CDH13: variants seen among roughly 807,000 people sequenced by gnomAD.
CDH13 encodes cadherin 13.
Under a neutral mutation model 63.8 loss-of-function variants are expected in CDH13, and 24 were observed. That is an observed-to-expected ratio of 0.38 (90% CI 0.27 to 0.53). The LOEUF is 0.53. Ranked by LOEUF, CDH13 falls within the 20% of genes least tolerant of loss-of-function variation. CDH13 has a pLI of 0.85. For synonymous variants in CDH13, 503 were observed against 355.3 expected (o/e 1.42, Z -4.67); for missense variants, 1,049 against 903.1 (o/e 1.16, Z -2.07).
intron 1 of CDH13, among the ~76,000 whole-genome samples, chr16:82,803,954 GCGCCATGGCTGATGC>G (rs1450101524): frequency 6.6e-6 from 1 of 152,150 alleles, no homozygotes; most frequent in Non-Finnish European, 1.5e-5. Flanking sequence ...CAGAGGCTGG[GCGCCATGGCTGATGC>G]CTGTAATCCC....
At chr16:83,683,901 A>C (rs1178954130) in intron 10 of CDH13, among the ~76,000 whole-genome samples, 1 of 152,242 alleles carries the variant, frequency 6.6e-6, no homozygotes, top group Admixed American at 6.5e-5. Context: ...CATGTACATC[A>C]GGTTCTAAAA....
chr16:83,202,619 T>C (rs1376377992), intron 4 of CDH13, among the ~76,000 whole-genome samples: 1 of 152,210 alleles, frequency 6.6e-6, no homozygotes, highest in African/African-American at 2.4e-5. Context: ...GCATCAGTCT[T>C]CATGTTAAAA....
At chr16:83,702,743 G>A (rs1286789648) in intron 10 of CDH13, among the ~76,000 whole-genome samples, 1 of 152,168 alleles carries the variant, frequency 6.6e-6, no homozygotes, top group East Asian at 1.9e-4. Context: ...CACCTCCAGA[G>A]CTGAGCAGGT....
chr16:82,838,440 T>C (rs2038864498), intron 1 of CDH13, among the ~76,000 whole-genome samples: 1 of 152,218 alleles, frequency 6.6e-6, no homozygotes, highest in African/African-American at 2.4e-5. Context: ...AAAGAACAAA[T>C]GAAGCCCCCA....
intron 5 of CDH13, among the ~76,000 whole-genome samples, chr16:83,233,900 A>G (rs368078917): frequency 3.4e-3 from 516 of 152,358 alleles, no homozygotes; most frequent in African/African-American, 0.012. Context: ...CTCCTTGTAT[A>G]GATGAGGTAA....
intron 7 of CDH13, among the ~76,000 whole-genome samples, chr16:83,488,604 C>T (rs75376121): frequency 6.6e-6 from 1 of 151,886 alleles, no homozygotes; most frequent in African/African-American, 2.4e-5. Context: ...CCAACCCTCC[C>T]TATTTTTTTA....
intron 7 of CDH13, among the ~76,000 whole-genome samples, chr16:83,598,945 G>T (rs2067862): frequency 6.6e-6 from 1 of 152,116 alleles, no homozygotes; most frequent in East Asian, 1.9e-4. Context: ...CACTCCCAGG[G>T]TGGACTCACT....
intron 6 of CDH13, among the ~76,000 whole-genome samples, chr16:83,372,789 C>T (rs1030272272): frequency 4.0e-5 from 6 of 148,844 alleles, no homozygotes; most frequent in Non-Finnish European, 5.9e-5. Flanking sequence ...TGACAGAGAG[C>T]GACAACTCAT....
At chr16:82,785,571 T>C (rs1054637820) in intron 1 of CDH13, among the ~76,000 whole-genome samples, 1 of 152,224 alleles carries the variant, frequency 6.6e-6, no homozygotes, top group Admixed American at 6.5e-5. Context: ...ATGCACTTGA[T>C]TTTAATAACA....
intron 7 of CDH13, among the ~76,000 whole-genome samples, chr16:83,531,222 A>G (rs2075076064): frequency 1.3e-5 from 2 of 152,332 alleles, no homozygotes; most frequent in South Asian, 2.1e-4. Context: ...GTCTGTTTAC[A>G]TGTAACTAGG....
Position 83,512,685 on chromosome 16 carries a change from TATAATA to T in CDH13, c.960+26040_960+26045del, listed in dbSNP as rs34847188. Among the ~76,000 whole-genome samples the T allele has an allele frequency of 1.2e-4, 18 of 146,546 alleles. No homozygotes were observed. The East Asian group carries it at 3.6e-3, about 30-fold the overall frequency. On this transcript the variant is annotated intron_variant, in intron 7 of 13. Coordinates refer to ENST00000567109, the MANE Select transcript of CDH13 (RefSeq NM_001257.5). ...TCCGTCTCAATAATAATAATAATAA[TATAATA>T]ATAATAATAGTAATAAAGAAAGTAC...
intron 1 of CDH13, among the ~76,000 whole-genome samples, chr16:82,786,732 C>T (rs968877227): frequency 1.3e-5 from 2 of 148,890 alleles, no homozygotes; most frequent in Admixed American, 1.4e-4. Flanking sequence ...TCAATTCCCA[C>T]CTATGAGTGA....
intron 6 of CDH13, among the ~76,000 whole-genome samples, chr16:83,470,675 C>G (rs1567694852): frequency 6.6e-6 from 1 of 152,110 alleles, no homozygotes; most frequent in African/African-American, 2.4e-5. Context: ...ATAATAGCAG[C>G]CACCACAACC....
chr16:82,703,661 G>C (rs1384304816), intron 1 of CDH13, among the ~76,000 whole-genome samples: 1 of 152,104 alleles, frequency 6.6e-6, no homozygotes, highest in African/African-American at 2.4e-5. Flanking sequence ...CGCTACTTAA[G>C]ACAAGGGAGA....
At position 83,779,405 on chromosome 16, in the gene CDH13, TCAAAAA is replaced by T. The variant is rs1272468100; in HGVS notation, c.1682-562_1682-557del. On this transcript the variant is annotated intron_variant, in intron 11 of 13. Transcript: ENST00000567109. The stretch of plus-strand genomic sequence containing the variant: ...CCGGGCGACAGCGCGAGACTCCATC[TCAAAAA>T]AAAAAAAAAAAAAAAAAAAAAAAAA... Among the ~76,000 whole-genome samples, 53 of 67,796 alleles carry T rather than the reference TCAAAAA, an allele frequency of 7.8e-4. 3 individuals carry two copies. The highest frequency in any genetic ancestry group is 0.014 in the Middle Eastern group (1 of 74). The allele number at this position is 67,796 out of a possible 152,430, so 44.5% of individuals were successfully genotyped here. A position where few individuals can be genotyped will look rare whatever the true frequency, so the allele number is the denominator to read the frequency against.
intron 6 of CDH13, among the ~76,000 whole-genome samples, chr16:83,403,625 AAATAAT>A (rs34397198): frequency 2.0e-5 from 3 of 151,250 alleles, no homozygotes; most frequent in African/African-American, 4.9e-5. Context: ...TCCGTCTCAA[AAATAAT>A]AATAATAATA....
chr16:83,631,173 C>A (rs1910748187), intron 8 of CDH13, among the ~76,000 whole-genome samples: 1 of 152,206 alleles, frequency 6.6e-6, no homozygotes, highest in African/African-American at 2.4e-5. Flanking sequence ...GTTGTAAAGG[C>A]TGCAGAATGA....
intron 2 of CDH13, among the ~76,000 whole-genome samples, chr16:82,943,042 C>T (rs1190537210): frequency 6.6e-6 from 1 of 152,160 alleles, no homozygotes; most frequent in South Asian, 2.1e-4. Context: ...GACAGCTCTG[C>T]CTTAGCACTA....
intron 4 of CDH13, among the ~76,000 whole-genome samples, chr16:83,205,794 G>A (rs1200080184): frequency 7.9e-5 from 12 of 151,902 alleles, no homozygotes; most frequent in African/African-American, 2.4e-4. Context: ...TACTAGAGAC[G>A]GGGTTTCATT....
Sources: allele counts gnomAD v4.1 joint callset (sites outside exome capture counted in the v4.1 genomes callset), GRCh38; gene constraint gnomAD v4.1.1; transcripts MANE v1.5; gene names NCBI Gene and HGNC (gene_info 2026-07-23, HGNC 2026-07-21).